CYP27C1: variants seen among roughly 807,000 people sequenced by gnomAD.
CYP27C1 encodes the protein cytochrome P450 27C1.
Under a neutral mutation model 40.6 loss-of-function variants are expected in CYP27C1, and 29 were observed. That is an observed-to-expected ratio of 0.71 (90% CI 0.53 to 0.97). CYP27C1 has a LOEUF of 0.97. CYP27C1 is among the 50% of genes least tolerant of loss of function. CYP27C1 has a pLI of 0.00. For missense variants in CYP27C1, 390 were observed against 485.8 expected (o/e 0.80, Z 1.85); for synonymous variants, 198 against 186.8 (o/e 1.06, Z -0.49).
At chr2:127,189,010 C>T (rs1253276403) in intron 8 of CYP27C1, among the ~76,000 whole-genome samples, 10 of 152,136 alleles carry the variant, frequency 6.6e-5, no homozygotes, top group Admixed American at 3.9e-4. Context: ...CTCTCAGAAA[C>T]GCCTGCTCAT....
chr2:127,194,465 T>G (rs569619864), intron 6 of CYP27C1, among the ~76,000 whole-genome samples: 2 of 152,302 alleles, frequency 1.3e-5, no homozygotes, highest in East Asian at 3.9e-4. Context: ...TCACAGAGGA[T>G]GCCGTGTTTG....
At chr2:127,202,026 G>T (rs1005841804) in intron 3 of CYP27C1, among the ~76,000 whole-genome samples, 3 of 151,434 alleles carry the variant, frequency 2.0e-5, no homozygotes, top group African/African-American at 7.3e-5. Context: ...AAAGTTGAAG[G>T]TAAGCTTTTT....
At chr2:127,213,504 T>C (rs1014982323) in intron 1 of CYP27C1, among the ~76,000 whole-genome samples, 1 of 151,944 alleles carries the variant, frequency 6.6e-6, no homozygotes, top group Non-Finnish European at 1.5e-5. Context: ...ACCTCAGAAA[T>C]AGCACCACAC....
In CYP27C1 at chr2:127,193,811, C is replaced by T. The variant is rs750653565; in HGVS notation, c.1271G>A (p.Gly424Asp). 1.2e-6 allele frequency: 2 copies of T among 1,614,114 alleles called. No homozygotes were observed. Among genetic ancestry groups the T allele is most frequent in the African/African-American group, 2.7e-5 (2 of 74,934 alleles). ...GRVTQEDLVIGGYLIPKGTQL... is the reference protein window; with the variant it reads ...GRVTQEDLVIDGYLIPKGTQL... ...CACGCCTTTCGGAATCAGATACCCG[C>T]CAATAACCAGGTCTTCCTGGGTGAC... Residue 424 changes from glycine (G) to aspartate (D), a missense_variant, in exon 7 of 9, where the codon GGC becomes GAC. Physicochemically the swap from Gly to Asp is moderately conservative, Grantham distance 94. Transcript: ENST00000664447.
chr2:127,189,085 G>A (rs940268965), intron 8 of CYP27C1, among the ~76,000 whole-genome samples: 3 of 151,974 alleles, frequency 2.0e-5, no homozygotes, highest in Non-Finnish European at 4.4e-5. Context: ...AGGCCATCGT[G>A]CCACACGGTA....
At chr2:127,204,225 C>T (rs1342680923) in intron 2 of CYP27C1, among the ~76,000 whole-genome samples, 1 of 146,708 alleles carries the variant, frequency 6.8e-6, no homozygotes, top group Non-Finnish European at 1.5e-5. Flanking sequence ...AAGATCACGC[C>T]ATTGCACTCC....
intron 2 of CYP27C1, among the ~76,000 whole-genome samples, chr2:127,204,626 A>AAAGACAGACAGAC (rs200607857): frequency 5.1e-5 from 2 of 38,948 alleles, no homozygotes; most frequent in Admixed American, 6.5e-4. Context: ...AGAAAGAAAG[A>AAAGACAGACAGAC]AGACTGCAGC....
chr2:127,201,014 C>T lies in CYP27C1; in HGVS notation c.883+108G>A. 1.8e-6 allele frequency: 2 copies of T among 1,106,280 alleles called. No individual in the cohort carries two copies. Among genetic ancestry groups the T allele is most frequent in the Non-Finnish European group, 2.6e-6 (2 of 757,942 alleles). 68.5% of individuals were successfully genotyped at this position (1,106,280 alleles called of 1,614,324 possible). The stretch of plus-strand genomic sequence containing the variant: ...GGGTCCAAAAACTAACACGTGACTA[C>T]ATCTAGGCATCCTCTGCTATGGTCA... On this transcript the variant is annotated intron_variant, in intron 4 of 8. Transcript: ENST00000664447. This position sits in a 1 kb window ranked among gnomAD's most constrained non-coding sequence, Gnocchi z 6.0.
At position 127,201,233 on chromosome 2, in the gene CYP27C1, T is replaced by C. The variant is rs1340284371; in HGVS notation, c.772A>G (p.Ser258Gly). 1.2e-6 allele frequency: 2 copies of C among 1,614,098 alleles called. No homozygotes were observed. Among genetic ancestry groups the C allele is most frequent in the Non-Finnish European group, 1.7e-6 (2 of 1,179,994 alleles). Residue 258 changes from serine (S) to glycine (G), a missense_variant, in exon 4 of 9, where the codon AGC becomes GGC. By Grantham distance (56) the Ser-to-Gly change is moderately conservative (BLOSUM62 0). Coordinates refer to ENST00000664447, the MANE Select transcript of CYP27C1 (RefSeq NM_001367502.1). The surrounding 1 kb of genome is among the most constrained non-coding windows in gnomAD (Gnocchi z 6.0). ...EYIEALELMF[S>G]MFKTSMYAGA... ...GCATACATGGAGGTCTTGAACATGC[T>C]AAACATGAGCTCCAGGGCCTCGATG...
At position 127,193,102 on chromosome 2, in the gene CYP27C1, C is replaced by G. The variant is rs749987138; in HGVS notation, c.1489G>C (p.Val497Leu). The G allele has an allele frequency of 3.7e-6, 6 of 1,613,998 alleles. No individual in the cohort carries two copies. Among genetic ancestry groups the G allele is most frequent in the Non-Finnish European group, 4.2e-6 (5 of 1,180,016 alleles). The change falls in exon 8 of 9, where the codon GTG becomes CTG. Residue 497 changes from valine to leucine, a missense_variant. Coordinates refer to ENST00000664447, the MANE Select transcript of CYP27C1 (RefSeq NM_001367502.1). ...RIAELEIHLVVIQLLQHFEIK... is the reference protein window; with the variant it reads ...RIAELEIHLVLIQLLQHFEIK... Reference sequence around the variant, plus strand: ...TGGCCTCCACGCCCTACCTGGATCACGACGAGGTGAATCTCCAGTTCTGCA... The same window carrying G: ...TGGCCTCCACGCCCTACCTGGATCAGGACGAGGTGAATCTCCAGTTCTGCA...
chr2:127,201,177 G>A lies in CYP27C1; in HGVS notation c.828C>T (p.Phe276=), dbSNP rs772508475. The A allele has an allele frequency of 9.9e-6, 16 of 1,614,008 alleles. No homozygotes were observed. The highest frequency in any genetic ancestry group is 1.3e-5 in the African/African-American group (1 of 74,932). ...AGAIPRWLRP[F]IPKPWREFCR... is the part of the protein sequence containing the mutation. ...AGAATTCCCGCCAGGGCTTTGGGAT[G>A]AAGGGGCGAAGCCATCTGGGGATGG... The change falls in exon 4 of 9, where the codon TTC becomes TTT. Residue 276 remains phenylalanine (F), a synonymous_variant. Transcript: ENST00000664447. The surrounding 1 kb of genome is among the most constrained non-coding windows in gnomAD (Gnocchi z 6.0).
Position 127,186,494 on chromosome 2 carries a change from T to C in CYP27C1, c.*777A>G, listed in dbSNP as rs973449686. 9.2e-5 allele frequency: 14 copies of C among 152,086 alleles called. No homozygotes were observed. The highest frequency in any genetic ancestry group is 3.4e-4 in the African/African-American group (14 of 41,400). The allele number at this position is 152,086 out of a possible 1,614,324, so 9.4% of individuals were successfully genotyped here. On this transcript the variant is annotated 3_prime_UTR_variant, in exon 9 of 9. Coordinates refer to ENST00000664447, the MANE Select transcript of CYP27C1 (RefSeq NM_001367502.1). This position sits in a 1 kb window ranked among gnomAD's most constrained non-coding sequence, Gnocchi z 4.5. ...ATAGCTCACTGCAGACCCAACCTCC[T>C]GAGCTCAAACGATCCTCCTGCCTCA...
rs935740596 is a variant in CYP27C1 at position 127,220,188 on chromosome 2, C to A, written c.83G>T (p.Arg28Leu). The A allele has an allele frequency of 6.7e-6, 1 of 149,656 alleles. No individual in the cohort carries two copies. Among genetic ancestry groups the A allele is most frequent in the Non-Finnish European group, 1.5e-5 (1 of 67,252 alleles). The allele number at this position is 149,656 out of a possible 1,614,324, so 9.3% of individuals were successfully genotyped here. The change falls in exon 1 of 9, where the codon CGG becomes CTG. Residue 28 changes from arginine to leucine, a missense_variant. Coordinates refer to ENST00000664447, the MANE Select transcript of CYP27C1 (RefSeq NM_001367502.1). The surrounding 1 kb of genome is among the most constrained non-coding windows in gnomAD (Gnocchi z 4.6). The part of the protein sequence containing the change: ...RGGLLGGGAP[R>L]RPQPAGARLP... ...CCGTGCGCCCGCGGGTTGAGGCCGC[C>A]GCGGGGCCCCGCCGCCCAGGAGCCC...
chr2:127,201,899 T>C lies in CYP27C1; in HGVS notation c.674-568A>G, dbSNP rs1204480540. On this transcript the variant is annotated intron_variant, in intron 3 of 8. Coordinates refer to ENST00000664447, the MANE Select transcript of CYP27C1 (RefSeq NM_001367502.1). The surrounding 1 kb of genome is among the most constrained non-coding windows in gnomAD (Gnocchi z 6.0). ...AGCTAAAGGCGCAGCAGAAGTGGCC[T>C]GGATGAATCCGTGTCGGGCAGAGCT... Among the ~76,000 whole-genome samples, 1 of 152,212 alleles carries C rather than the reference T, an allele frequency of 6.6e-6. No individual in the cohort carries two copies. The highest frequency in any genetic ancestry group is 1.5e-5 in the Non-Finnish European group (1 of 68,030).
intron 2 of CYP27C1, among the ~76,000 whole-genome samples, chr2:127,204,768 C>T (rs937315654): frequency 2.6e-5 from 4 of 152,138 alleles, no homozygotes; most frequent in African/African-American, 7.2e-5. Flanking sequence ...GAAGGCAGGA[C>T]GCTGAGGGAA....
intron 8 of CYP27C1, among the ~76,000 whole-genome samples, chr2:127,191,852 A>T (rs2104674798): frequency 6.6e-6 from 1 of 152,336 alleles, no homozygotes; most frequent in African/African-American, 2.4e-5. Flanking sequence ...CAAAGGTGGG[A>T]TGGCCACTTG....
chr2:127,211,981 G>T (rs1683347403), intron 1 of CYP27C1, among the ~76,000 whole-genome samples: 1 of 151,980 alleles, frequency 6.6e-6, no homozygotes, highest in African/African-American at 2.4e-5. Flanking sequence ...AATGATAAAG[G>T]GGATATCACC....
chr2:127,197,317 T>C (rs1393778371), intron 5 of CYP27C1, among the ~76,000 whole-genome samples: 8 of 152,258 alleles, frequency 5.3e-5, no homozygotes, highest in Non-Finnish European at 1.2e-4. Flanking sequence ...AAGGAGTTTA[T>C]GCTGTGTGGG....
chr2:127,194,974 T>C (rs1395174864), intron 6 of CYP27C1, among the ~76,000 whole-genome samples: 2 of 151,790 alleles, frequency 1.3e-5, no homozygotes, highest in Non-Finnish European at 2.9e-5. Context: ...GGACTACAGG[T>C]GCCTACCACC....
Sources: gnomAD v4.1 joint callset for allele counts (sites outside exome capture counted in the v4.1 genomes callset) on GRCh38, gnomAD v4.1.1 for gene constraint, Gnocchi (gnomAD v3.1) non-coding constraint, MANE v1.5 for transcripts, NCBI Gene and HGNC (gene_info 2026-07-23, HGNC 2026-07-21) for gene names.